The following FLACC1 variants were observed in gnomAD, a reference collection of about 807,000 sequenced individuals.
FLACC1 encodes the protein flagellum-associated coiled-coil domain-containing protein 1.
A neutral mutation model predicts 62.8 loss-of-function variants in FLACC1; 66 were observed. The observed-to-expected ratio is 1.05, with a 90% CI of 0.86 to 1.29. The LOEUF is 1.29. Ranked by LOEUF, FLACC1 falls within the 50% of genes most tolerant of loss-of-function variation. The pLI is 0.00. For synonymous variants in FLACC1, 156 were observed against 161.0 expected (o/e 0.97, Z 0.24); for missense variants, 452 against 489.1 (o/e 0.92, Z 0.71).
At chr2:201,360,846 G>A (rs1226043111), upstream of FLACC1, among the ~76,000 whole-genome samples, 3 of 152,212 alleles carry the variant, frequency 2.0e-5, no homozygotes, top group African/African-American at 7.2e-5. Flanking sequence ...GAGAGGCCAA[G>A]GTGGGTGGAT....
At chr2:201,357,870 T>G (rs1951144013), upstream of FLACC1, among the ~76,000 whole-genome samples, 1 of 152,204 alleles carries the variant, frequency 6.6e-6, no homozygotes, top group African/African-American at 2.4e-5. Flanking sequence ...TACAACCCAG[T>G]GGCTTTCATT....
intron 9 of FLACC1, among the ~76,000 whole-genome samples, chr2:201,324,714 A>G (rs1356314091): frequency 6.6e-6 from 1 of 152,230 alleles, no homozygotes; most frequent in Non-Finnish European, 1.5e-5. Flanking sequence ...AATCCTCAAA[A>G]CTATACAGAT....
chr2:201,344,069 A>G (rs1950864501), intron 6 of FLACC1, 101 bp downstream of exon 6: 1 of 993,588 alleles, frequency 1.0e-6, no homozygotes, highest in African/African-American at 1.6e-5. Flanking sequence ...AACATGGCTC[A>G]TATGAGTAAA....
upstream of FLACC1, among the ~76,000 whole-genome samples, chr2:201,360,691 GCACCTAGAAAGAGGGGC>G (rs1342292584): frequency 1.3e-5 from 2 of 152,212 alleles, no homozygotes; most frequent in African/African-American, 4.8e-5. Flanking sequence ...TGCTACCCTT[GCACCTAGAAAGAGGGGC>G]CACTGTTCTG....
rs1327336581 is a variant in FLACC1 at position 201,296,210 on chromosome 2, C to A, written c.942+3028G>T. Among the ~76,000 whole-genome samples, 5 of 152,078 alleles carry A rather than the reference C, an allele frequency of 3.3e-5. No homozygotes were observed. In the East Asian group the frequency reaches 9.6e-4, roughly 29 times the overall value. ...TCATGCTGCTATAAAGACACATGCACACGTATGTTTATTGCGGCACTACTC... is the reference window on the plus strand; with the variant it reads ...TCATGCTGCTATAAAGACACATGCAAACGTATGTTTATTGCGGCACTACTC... On this transcript the variant is annotated intron_variant, in intron 12 of 14. Transcript: ENST00000392257.
intron 1 of FLACC1, 85 bp from the exon 2 acceptor site, chr2:201,351,536 A>C (rs1951029252): frequency 5.9e-6 from 4 of 674,360 alleles, no homozygotes; most frequent in Non-Finnish European, 1.0e-5. Context: ...CCCAGGGAGG[A>C]CCCAAAGAAC....
At chr2:201,294,727 A>G (rs1349138521) in intron 12 of FLACC1, among the ~76,000 whole-genome samples, 1 of 152,238 alleles carries the variant, frequency 6.6e-6, no homozygotes, top group Non-Finnish European at 1.5e-5. Context: ...AGAGGAAGTC[A>G]AATTGTCCCT....
At chr2:201,293,625 A>G (rs997862156) in intron 12 of FLACC1, among the ~76,000 whole-genome samples, 19 of 152,282 alleles carry the variant, frequency 1.2e-4, no homozygotes, top group African/African-American at 3.9e-4. Flanking sequence ...GAGAAGCAAG[A>G]GCAAACACAT....
chr2:201,354,935 C>G (rs558602190), intron 1 of FLACC1, among the ~76,000 whole-genome samples: 1 of 152,288 alleles, frequency 6.6e-6, no homozygotes, highest in South Asian at 2.1e-4. Context: ...TATTTCTTAC[C>G]TGACTAGTAA....
chr2:201,297,366 C>T (rs1419260477), intron 12 of FLACC1, among the ~76,000 whole-genome samples: 2 of 152,054 alleles, frequency 1.3e-5, no homozygotes, highest in Non-Finnish European at 2.9e-5. Context: ...TAAGTGGGGC[C>T]TGGGAACAAG....
Position 201,309,160 on chromosome 2 carries a change from G to A in FLACC1, c.766C>T (p.Leu256=). ...GAGTTTCTGTACTCACTTTGCTGTA[G>A]CAGGATATTTTCTCGCTCGAACTTC... ...DEKFERENIL[L]QQKKKMTKKF... The change falls in exon 10 of 15, where the codon CTA becomes TTA. Residue 256 remains leucine, a synonymous_variant. Transcript: ENST00000392257. The A allele has an allele frequency of 6.2e-7, 1 of 1,612,940 alleles. No homozygotes were observed. Among genetic ancestry groups the A allele is most frequent in the Non-Finnish European group, 8.5e-7 (1 of 1,178,970 alleles).
At position 201,351,454 on chromosome 2, in the gene FLACC1, GA is replaced by G. The variant is rs1037860576; in HGVS notation, c.-47-4del. The G allele has an allele frequency of 6.4e-6, 9 of 1,397,818 alleles. No homozygotes were observed. Among genetic ancestry groups the G allele is most frequent in the Non-Finnish European group, 9.1e-6 (9 of 991,702 alleles). The allele number at this position is 1,397,818 out of a possible 1,614,324, so 86.6% of individuals were successfully genotyped here. On this transcript the variant is annotated splice_region_variant and splice_polypyrimidine_tract_variant and intron_variant, in intron 1 of 14. Coordinates refer to ENST00000392257, the MANE Select transcript of FLACC1 (RefSeq NM_001127391.3). ...GCTGCTAGATCAGGAGGCTCTTGCTGAAATTGAAAAACAACAGCAGAAGGTT... is the reference window on the plus strand; with the variant it reads ...GCTGCTAGATCAGGAGGCTCTTGCTGAATTGAAAAACAACAGCAGAAGGTT...
At chr2:201,319,268 C>G (rs917682020) in intron 9 of FLACC1, among the ~76,000 whole-genome samples, 4 of 152,030 alleles carry the variant, frequency 2.6e-5, no homozygotes, top group Non-Finnish European at 5.9e-5. Context: ...GGAAGGAGTT[C>G]CCTATTCAAT....
intron 11 of FLACC1, among the ~76,000 whole-genome samples, chr2:201,305,325 A>G (rs1384164149): frequency 6.6e-6 from 1 of 152,250 alleles, no homozygotes; most frequent in Non-Finnish European, 1.5e-5. Context: ...CAACAGACAC[A>G]CGAAAAAATG....
intron 7 of FLACC1, among the ~76,000 whole-genome samples, chr2:201,331,963 T>C (rs1950601599): frequency 6.6e-6 from 1 of 152,180 alleles, no homozygotes; most frequent in Non-Finnish European, 1.5e-5. Context: ...GGGCAGTAAG[T>C]ATATGGGAAA....
intron 12 of FLACC1, among the ~76,000 whole-genome samples, chr2:201,298,087 C>G (rs191752283): frequency 8.5e-5 from 13 of 152,186 alleles, no homozygotes; most frequent in Admixed American, 3.3e-4. Context: ...GAAACATCAG[C>G]AAGGAGCAGG....
chr2:201,308,001 G>A (rs1000945470), intron 10 of FLACC1, among the ~76,000 whole-genome samples: 1 of 152,200 alleles, frequency 6.6e-6, no homozygotes, highest in African/African-American at 2.4e-5. Flanking sequence ...AATTCATCCT[G>A]TACTTAGTGC....
chr2:201,309,863 C>T (rs192383029), intron 9 of FLACC1, among the ~76,000 whole-genome samples: 17 of 132,662 alleles, frequency 1.3e-4, no homozygotes, highest in Admixed American at 7.8e-4. Flanking sequence ...GCCGAGATCA[C>T]GCCACTGCAC....
At position 201,288,624 on chromosome 2, in the gene FLACC1, C is replaced by A; in HGVS notation, c.*31G>T. On this transcript the variant is annotated 3_prime_UTR_variant, in exon 15 of 15. Coordinates refer to ENST00000392257, the MANE Select transcript of FLACC1 (RefSeq NM_001127391.3). ...TGGGCCTACAGAAATGGTGTGCCAA[C>A]CATCTTCAACAATGCAGAGCAACTT... 1 of 1,607,216 alleles carries A rather than the reference C, an allele frequency of 6.2e-7. No homozygotes were observed. Among genetic ancestry groups the A allele is most frequent in the Non-Finnish European group, 8.5e-7 (1 of 1,176,278 alleles).
Sources: gnomAD v4.1 joint callset for allele counts (sites outside exome capture counted in the v4.1 genomes callset) on GRCh38, gnomAD v4.1.1 for gene constraint, MANE v1.5 for transcripts, NCBI Gene and HGNC (gene_info 2026-07-23, HGNC 2026-07-21) for gene names.